Variants in XRCC5 observed in about 807,000 individuals in gnomAD.
XRCC5 encodes the protein DNA repair protein Ku80.
XRCC5 carries 12 observed loss-of-function variants against 95.7 expected under a neutral mutation model. The observed-to-expected ratio is 0.13, with a 90% CI of 0.08 to 0.20. The LOEUF (loss-of-function observed/expected upper bound fraction) is 0.20. XRCC5 is among the 10% of genes least tolerant of loss of function. The probability of loss-of-function intolerance (pLI) is 1.00; values close to 1 mark genes in which losing one functional copy is unlikely to be tolerated. For synonymous variants in XRCC5, 281 were observed against 290.3 expected (o/e 0.97, Z 0.33); for missense variants, 595 against 873.9 (o/e 0.68, Z 4.02).
intron 2 of XRCC5, among the ~76,000 whole-genome samples, chr2:216,114,606 G>A (rs907850732): frequency 6.6e-6 from 1 of 151,994 alleles, no homozygotes; most frequent in East Asian, 1.9e-4. Context: ...CAAGGGAGGG[G>A]CCCCAAAGCT....
At chr2:216,170,858 T>C (rs3770505) in intron 16 of XRCC5, among the ~76,000 whole-genome samples, 1 of 152,234 alleles carries the variant, frequency 6.6e-6, no homozygotes, top group East Asian at 1.9e-4. Context: ...GCAATTTGGT[T>C]CTTTCTTTCC....
At chr2:216,200,645 C>G (rs564463569) in intron 19 of XRCC5, among the ~76,000 whole-genome samples, 1 of 152,278 alleles carries the variant, frequency 6.6e-6, no homozygotes, top group African/African-American at 2.4e-5. Flanking sequence ...TAGAACATTT[C>G]CATCACCACA....
intron 4 of XRCC5, among the ~76,000 whole-genome samples, chr2:216,118,558 T>G (rs1318575890): frequency 6.6e-6 from 1 of 152,222 alleles, no homozygotes; most frequent in African/African-American, 2.4e-5. Flanking sequence ...TACACATACC[T>G]CTTGCCTGTC....
intron 19 of XRCC5, among the ~76,000 whole-genome samples, chr2:216,201,810 T>C (rs939494743): frequency 1.3e-5 from 2 of 152,184 alleles, no homozygotes; most frequent in African/African-American, 4.8e-5. Flanking sequence ...TGTCACTGCA[T>C]GGGCTAGAAT....
chr2:216,178,706 C>T (rs1410590969), intron 16 of XRCC5, among the ~76,000 whole-genome samples: 1 of 152,120 alleles, frequency 6.6e-6, no homozygotes, highest in Non-Finnish European at 1.5e-5. Context: ...CTGCATTTCC[C>T]CCTTCAATAG....
At chr2:216,195,068 T>A (rs1689689538) in intron 19 of XRCC5, 82 bp downstream of exon 19, 2 of 1,339,896 alleles carry the variant, frequency 1.5e-6, no homozygotes, top group Admixed American at 3.6e-5. Context: ...AAGTTAAATT[T>A]TATGGGTAAC....
At chr2:216,119,567 A>C (rs1469121234) in intron 5 of XRCC5, among the ~76,000 whole-genome samples, 2 of 152,082 alleles carry the variant, frequency 1.3e-5, no homozygotes, top group African/African-American at 4.8e-5. Flanking sequence ...ACTGTGTCCT[A>C]TACAGAGTGC....
chr2:216,170,624 G>C (rs1233682813), intron 16 of XRCC5, among the ~76,000 whole-genome samples: 1 of 152,166 alleles, frequency 6.6e-6, no homozygotes, highest in Non-Finnish European at 1.5e-5. Context: ...TTTGATATGA[G>C]ATTTGGGCGG....
At chr2:216,161,399 A>G (rs968254862) in intron 15 of XRCC5, among the ~76,000 whole-genome samples, 2 of 152,154 alleles carry the variant, frequency 1.3e-5, no homozygotes, top group South Asian at 2.1e-4. Flanking sequence ...TCGTCTTTCA[A>G]ACTTCCTCAC....
chr2:216,110,354 C>T (rs943574883), intron 1 of XRCC5: 1 of 152,052 alleles, frequency 6.6e-6, no homozygotes, highest in Non-Finnish European at 1.5e-5. Context: ...AAACAAGATA[C>T]GAGTTTGAGC....
At chr2:216,202,709 G>T (rs190396545) in intron 19 of XRCC5, among the ~76,000 whole-genome samples, 2 of 151,902 alleles carry the variant, frequency 1.3e-5, no homozygotes, top group Admixed American at 1.3e-4. Context: ...TTCCTTATTC[G>T]CTCAGTCATA....
intron 13 of XRCC5, among the ~76,000 whole-genome samples, chr2:216,146,900 T>A (rs1456042128): frequency 6.6e-6 from 1 of 152,156 alleles, no homozygotes; most frequent in Non-Finnish European, 1.5e-5. Flanking sequence ...GCCAGGTGCT[T>A]ATTATGTGCC....
chr2:216,141,699 G>T (rs1697175658), intron 13 of XRCC5, among the ~76,000 whole-genome samples: 1 of 151,958 alleles, frequency 6.6e-6, no homozygotes, highest in Admixed American at 6.6e-5. Context: ...TCAGTCTCCT[G>T]AACAGCTGGG....
chr2:216,163,613 G>A (rs188652886), intron 16 of XRCC5, among the ~76,000 whole-genome samples: 20 of 152,158 alleles, frequency 1.3e-4, no homozygotes, highest in Non-Finnish European at 1.5e-5. Flanking sequence ...AAAAATGAGA[G>A]TTAAATGCCT....
At chr2:216,172,045 T>C (rs1689174440) in intron 16 of XRCC5, among the ~76,000 whole-genome samples, 1 of 152,134 alleles carries the variant, frequency 6.6e-6, no homozygotes, top group African/African-American at 2.4e-5. Flanking sequence ...ACACAGGTGG[T>C]GGGAGGTTGC....
intron 2 of XRCC5, among the ~76,000 whole-genome samples, chr2:216,115,224 T>C (rs1309050555): frequency 6.6e-6 from 1 of 152,172 alleles, no homozygotes; most frequent in Non-Finnish European, 1.5e-5. Flanking sequence ...GAGTCGCCAC[T>C]CCGGAGTTTC....
intron 13 of XRCC5, among the ~76,000 whole-genome samples, chr2:216,144,201 G>A (rs907006400): frequency 2.0e-5 from 3 of 152,148 alleles, no homozygotes; most frequent in Admixed American, 6.5e-5. Flanking sequence ...GAACAAAGGC[G>A]GTGCATGTGG....
rs115966821 is a variant in XRCC5, at chr2:216,145,826, T to C, written c.1477-2257T>C. Among the ~76,000 whole-genome samples the C allele has an allele frequency of 6.5e-3, 983 of 152,330 alleles. 14 individuals carry two copies. Among genetic ancestry groups the C allele is most frequent in the African/African-American group, 0.022 (921 of 41,572 alleles). Reference sequence around the variant, plus strand: ...GGTAGGATACTTGTCCATTGGTTGTTCTAGCCCTTTTCCAAGAAATGTCAA... The same window carrying C: ...GGTAGGATACTTGTCCATTGGTTGTCCTAGCCCTTTTCCAAGAAATGTCAA... On this transcript the variant is annotated intron_variant, in intron 13 of 20. Coordinates refer to ENST00000392132, the MANE Select transcript of XRCC5 (RefSeq NM_021141.4).
At chr2:216,143,500 C>G (rs537145268) in intron 13 of XRCC5, among the ~76,000 whole-genome samples, 1 of 151,754 alleles carries the variant, frequency 6.6e-6, no homozygotes, top group Non-Finnish European at 1.5e-5. Context: ...CAAACAGATA[C>G]AAGCCATAAA....
Sources: gnomAD v4.1 joint callset for allele counts (sites outside exome capture counted in the v4.1 genomes callset) on GRCh38, gnomAD v4.1.1 for gene constraint, MANE v1.5 for transcripts, NCBI Gene and HGNC (gene_info 2026-07-23, HGNC 2026-07-21) for gene names.